Variants in VAV2 observed in about 807,000 individuals in gnomAD.
VAV2 encodes the protein guanine nucleotide exchange factor VAV2.
VAV2 carries 67 observed loss-of-function variants against 132.5 expected under a neutral mutation model. The observed-to-expected ratio is 0.51, with a 90% CI of 0.42 to 0.62. VAV2 has a LOEUF of 0.62. Among genes scored for constraint, VAV2 ranks in the 20% least tolerant of loss-of-function variants. The pLI is 0.00. For synonymous variants in VAV2, 492 were observed against 443.5 expected, an observed-to-expected ratio of 1.11 and a Z score of -1.37; for missense variants, 938 against 1,153.6, an observed-to-expected ratio of 0.81 and a Z score of 2.71.
intron 3 of VAV2, among the ~76,000 whole-genome samples, chr9:133,844,804 C>T (rs1444426241): frequency 3.9e-5 from 6 of 152,176 alleles, no homozygotes; most frequent in African/African-American, 9.7e-5. Context: ...GTCTGATTCA[C>T]GAGGAGGAAA....
intron 2 of VAV2, among the ~76,000 whole-genome samples, chr9:133,870,887 T>TAGGGGG (rs1463952305): frequency 1.2e-5 from 1 of 83,584 alleles, no homozygotes; most frequent in South Asian, 4.0e-4. Context: ...GGTGGATGGA[T>TAGGGGG]ATGGGTGAGT....
At position 133,834,669 on chromosome 9, in the gene VAV2, C is replaced by G. The variant is rs944272520; in HGVS notation, c.381-329G>C. Among the ~76,000 whole-genome samples the G allele has an allele frequency of 1.3e-5, 2 of 152,238 alleles. No homozygotes were observed. Among genetic ancestry groups the G allele is most frequent in the Non-Finnish European group, 2.9e-5 (2 of 68,036 alleles). ...TTCATCTGCTGGGCGACCTGCCTTCCCCTTTACCCACCCTCCCACTTCCAG... is the reference window on the plus strand; with the variant it reads ...TTCATCTGCTGGGCGACCTGCCTTCGCCTTTACCCACCCTCCCACTTCCAG... On this transcript the variant is annotated intron_variant, in intron 3 of 29. Transcript: ENST00000371850. This position sits in a 1 kb window ranked among gnomAD's most constrained non-coding sequence, Gnocchi z 5.9.
At chr9:133,886,771 A>T (rs1838727449) in intron 2 of VAV2, among the ~76,000 whole-genome samples, 1 of 152,238 alleles carries the variant, frequency 6.6e-6, no homozygotes, top group East Asian at 1.9e-4. Context: ...ACAGGGTCAG[A>T]GCTCTGTTAC....
chr9:133,864,279 A>G (rs1388616113), intron 2 of VAV2, among the ~76,000 whole-genome samples: 1 of 152,212 alleles, frequency 6.6e-6, no homozygotes, highest in Non-Finnish European at 1.5e-5. Context: ...GAAAGACAAG[A>G]GGAATGATGT....
rs1434675363 is a variant in VAV2 at position 133,840,718 on chromosome 9, G to C, written c.381-6378C>G. 1.3e-5 allele frequency among the ~76,000 whole-genome samples: 2 copies of C among 152,222 alleles called. No homozygotes were observed. Among genetic ancestry groups the C allele is most frequent in the Non-Finnish European group, 2.9e-5 (2 of 68,040 alleles). On this transcript the variant is annotated intron_variant, in intron 3 of 29. Coordinates refer to ENST00000371850, the MANE Select transcript of VAV2 (RefSeq NM_001134398.2). The surrounding 1 kb of genome is among the most constrained non-coding windows in gnomAD (Gnocchi z 4.5). ...GTGGGGCTGGCATGGGCGGCCATTT[G>C]TCACTGATTCAGGGAGAAGGAACAG...
chr9:133,966,340 A>G (rs900248972), intron 1 of VAV2, among the ~76,000 whole-genome samples: 1 of 152,292 alleles, frequency 6.6e-6, no homozygotes, highest in Non-Finnish European at 1.5e-5. Flanking sequence ...CAGAGTGAAG[A>G]GAAAACCTAC....
rs1305829966 is a variant in VAV2, at chr9:133,807,397, G to C, written c.667-71C>G. ...CCCTCTCAAGGTCACAGCTGCCAGG[G>C]GAGGGTCCCAGGGCAGCTCCGAGGC... On this transcript the variant is annotated intron_variant, in intron 7 of 29. Transcript: ENST00000371850. 4 of 1,493,048 alleles carry C rather than the reference G, an allele frequency of 2.7e-6. No individual in the cohort carries two copies. In the East Asian group the frequency reaches 9.7e-5, roughly 36 times the overall value. 92.5% of individuals were successfully genotyped at this position (1,493,048 alleles called of 1,614,324 possible).
chr9:133,960,173 T>G (rs1841921848), intron 1 of VAV2, among the ~76,000 whole-genome samples: 2 of 152,282 alleles, frequency 1.3e-5, no homozygotes, highest in South Asian at 4.1e-4. Context: ...TGAACCAAGC[T>G]GGGGCCGACA....
At chr9:133,767,040 T>C (rs545453007) in intron 29 of VAV2, among the ~76,000 whole-genome samples, 1 of 151,966 alleles carries the variant, frequency 6.6e-6, no homozygotes, top group Admixed American at 6.5e-5. Context: ...GAATTAAAAA[T>C]ATATTGATTA....
rs142276153 is a variant in VAV2, at chr9:133,878,913, G to A, written c.322-17481C>T. Among the ~76,000 whole-genome samples, 245 of 152,324 alleles carry A rather than the reference G, an allele frequency of 1.6e-3. 1 individual carries two copies. Among genetic ancestry groups the A allele is most frequent in the Non-Finnish European group, 2.6e-3 (178 of 68,028 alleles). ...ACATATGCCAGGCTCCTCCGCAGGGGCAGAAACCTTTTCCCCAGGGTCGGG... is the reference window on the plus strand; with the variant it reads ...ACATATGCCAGGCTCCTCCGCAGGGACAGAAACCTTTTCCCCAGGGTCGGG... On this transcript the variant is annotated intron_variant, in intron 2 of 29. Transcript: ENST00000371850.
intron 9 of VAV2, 111 bp downstream of exon 9, chr9:133,805,970 C>G (rs923547755): frequency 2.8e-5 from 33 of 1,194,028 alleles, no homozygotes; most frequent in Non-Finnish European, 2.9e-5. Context: ...GAGGGGGCGG[C>G]CCCTGCCTCG....
intron 2 of VAV2, among the ~76,000 whole-genome samples, chr9:133,895,381 C>A (rs1481163933): frequency 6.6e-6 from 1 of 152,146 alleles, no homozygotes; most frequent in Non-Finnish European, 1.5e-5. Flanking sequence ...TCTATAATTA[C>A]CCTGCAAAAA....
At chr9:133,815,779 T>TGC (rs902970355) in intron 4 of VAV2, among the ~76,000 whole-genome samples, 1 of 152,120 alleles carries the variant, frequency 6.6e-6, no homozygotes, top group Non-Finnish European at 1.5e-5. Flanking sequence ...GTTGTGTGTG[T>TGC]GCGTGTGTAT....
At chr9:133,770,283 T>G in intron 27 of VAV2, 95 bp downstream of exon 27, 1 of 1,568,798 alleles carries the variant, frequency 6.4e-7, no homozygotes, top group Non-Finnish European at 8.6e-7. Flanking sequence ...GGACTCCTGG[T>G]CTGGGTCTGT....
At position 133,831,950 on chromosome 9, in the gene VAV2, C is replaced by T. The variant is rs115010971; in HGVS notation, c.449+2322G>A. 9.9e-3 allele frequency among the ~76,000 whole-genome samples: 1,513 copies of T among 152,280 alleles called. 22 individuals are homozygous for T. The highest frequency in any genetic ancestry group is 0.034 in the African/African-American group (1,432 of 41,540). ...CTGTAAAATGAGGACAACCACAGAA[C>T]AGACCTCACAGAGCAATTGAGGGTG... On this transcript the variant is annotated intron_variant, in intron 4 of 29. Coordinates refer to ENST00000371850, the MANE Select transcript of VAV2 (RefSeq NM_001134398.2).
chr9:133,769,379 C>A lies in VAV2; in HGVS notation c.2434+38G>T, dbSNP rs1329151043. On this transcript the variant is annotated intron_variant, in intron 28 of 29. Transcript: ENST00000371850. The surrounding 1 kb of genome is among the most constrained non-coding windows in gnomAD (Gnocchi z 8.1). ...GCTGGGTCTCCCAAGGCAGCTGCCACAGGCCCGGTCCCCCCACGCCCTGGG... is the reference window on the plus strand; with the variant it reads ...GCTGGGTCTCCCAAGGCAGCTGCCAAAGGCCCGGTCCCCCCACGCCCTGGG... 2.5e-5 allele frequency: 39 copies of A among 1,579,648 alleles called. No homozygotes were observed. Among genetic ancestry groups the A allele is most frequent in the Non-Finnish European group, 3.1e-5 (36 of 1,163,038 alleles).
In VAV2 at chr9:133,885,637, G is replaced by A. The variant is rs765985932; in HGVS notation, c.322-24205C>T. 6.6e-6 allele frequency among the ~76,000 whole-genome samples: 1 copy of A among 152,198 alleles called. No individual in the cohort carries two copies. The highest frequency in any genetic ancestry group is 6.5e-5 in the Admixed American group (1 of 15,288). On this transcript the variant is annotated intron_variant, in intron 2 of 29. Transcript: ENST00000371850. The surrounding 1 kb of genome is among the most constrained non-coding windows in gnomAD (Gnocchi z 5.0). ...CCTCCCAAGCTTGGTGTGGTGTTCT[G>A]CTGGGCCCCCACCTCCAATTTCCAT...
rs1268322255 is a variant in VAV2 at position 133,884,622 on chromosome 9, GC to G, written c.322-23191del. On this transcript the variant is annotated intron_variant, in intron 2 of 29. Transcript: ENST00000371850. This position sits in a 1 kb window ranked among gnomAD's most constrained non-coding sequence, Gnocchi z 5.3. Reference sequence around the variant, plus strand: ...AGCAAGCTGACCGCTTGGCACAGCTGCCTTTTTCTATATGCATAAGATGCTT... The same window carrying G: ...AGCAAGCTGACCGCTTGGCACAGCTGCTTTTTCTATATGCATAAGATGCTT... Among the ~76,000 whole-genome samples, 8 of 152,256 alleles carry G rather than the reference GC, an allele frequency of 5.3e-5. No individual in the cohort carries two copies. The East Asian group carries it at 1.5e-3, about 29-fold the overall frequency.
At chr9:133,946,087 G>C (rs1273451037) in intron 1 of VAV2, among the ~76,000 whole-genome samples, 2 of 152,222 alleles carry the variant, frequency 1.3e-5, no homozygotes, top group Admixed American at 1.3e-4. Flanking sequence ...CAGGGGGGTT[G>C]GGGTGCCACA....
Sources: allele counts gnomAD v4.1 joint callset (sites outside exome capture counted in the v4.1 genomes callset), GRCh38; gene constraint gnomAD v4.1.1; non-coding constraint Gnocchi (gnomAD v3.1); transcripts MANE v1.5; gene names NCBI Gene and HGNC (gene_info 2026-07-23, HGNC 2026-07-21).